Variants in BCHE observed in about 807,000 individuals in gnomAD.
BCHE encodes butyrylcholinesterase.
A neutral mutation model predicts 51.3 loss-of-function variants in BCHE; 48 were observed. The ratio of observed to expected loss-of-function variants is 0.94; its 90% CI spans 0.74 to 1.19. The LOEUF is 1.19. Among genes scored for constraint, BCHE ranks in the 50% most tolerant of loss-of-function variants. BCHE has a pLI of 0.00. For synonymous variants in BCHE, 251 were observed against 238.0 expected (o/e 1.05, Z -0.50); for missense variants, 847 against 708.2 (o/e 1.20, Z -2.23).
intron 2 of BCHE, among the ~76,000 whole-genome samples, chr3:165,800,036 A>G (rs1452517970): frequency 2.7e-5 from 4 of 146,026 alleles, no homozygotes; most frequent in African/African-American, 1.0e-4. Context: ...TTAGCGTGCA[A>G]TTAGAAGTAT....
At chr3:165,787,181 T>C (rs1712987145) in intron 2 of BCHE, among the ~76,000 whole-genome samples, 1 of 151,878 alleles carries the variant, frequency 6.6e-6, no homozygotes, top group Non-Finnish European at 1.5e-5. Context: ...GTCGACTCTA[T>C]CTTTTCAATA....
chr3:165,805,087 G>T (rs891310610), intron 2 of BCHE, among the ~76,000 whole-genome samples: 3 of 151,920 alleles, frequency 2.0e-5, no homozygotes, highest in African/African-American at 7.3e-5. Flanking sequence ...AATGCAGCAA[G>T]AATAAAATGT....
intron 2 of BCHE, among the ~76,000 whole-genome samples, chr3:165,800,102 T>C (rs1256096613): frequency 2.6e-5 from 4 of 152,204 alleles, no homozygotes; most frequent in Non-Finnish European, 5.9e-5. Context: ...TTTCTGGGTA[T>C]TTTTTCCTCC....
chr3:165,819,013 G>C (rs1714410688), intron 2 of BCHE, among the ~76,000 whole-genome samples: 1 of 151,312 alleles, frequency 6.6e-6, no homozygotes, highest in South Asian at 2.1e-4. Flanking sequence ...CCTTTCTTTG[G>C]AGGTGAAAAA....
At chr3:165,778,682 T>G (rs933695410) in intron 3 of BCHE, 14 of 452,994 alleles carry the variant, frequency 3.1e-5, no homozygotes, top group Admixed American at 2.4e-4. Flanking sequence ...GTCATTTTCA[T>G]CTGTGCAGCT....
intron 2 of BCHE, among the ~76,000 whole-genome samples, chr3:165,801,767 G>T (rs541447443): frequency 7.3e-4 from 111 of 152,184 alleles, no homozygotes; most frequent in Non-Finnish European, 1.5e-4. Flanking sequence ...TGACCATTCA[G>T]ATTCTGAGTT....
intron 3 of BCHE, among the ~76,000 whole-genome samples, chr3:165,776,462 G>A (rs1712474661): frequency 6.6e-6 from 1 of 151,784 alleles, no homozygotes; most frequent in South Asian, 2.1e-4. Flanking sequence ...CATTCTCTAA[G>A]TGTAAATATT....
chr3:165,778,620 C>A, intron 3 of BCHE: 1 of 431,276 alleles, frequency 2.3e-6, no homozygotes, highest in Non-Finnish European at 4.8e-6. Flanking sequence ...TTCTTAAAAG[C>A]TTTCCATGGT....
intron 3 of BCHE, among the ~76,000 whole-genome samples, chr3:165,785,507 A>G (rs1191682154): frequency 2.0e-5 from 3 of 151,808 alleles, no homozygotes; most frequent in African/African-American, 7.2e-5. Context: ...ACAAATTTTC[A>G]TCGTATTTCC....
intron 2 of BCHE, among the ~76,000 whole-genome samples, chr3:165,806,286 G>A (rs1713861195): frequency 6.6e-6 from 1 of 151,948 alleles, no homozygotes; most frequent in Non-Finnish European, 1.5e-5. Flanking sequence ...TCACCTCTCG[G>A]TCTTTGCCTG....
At chr3:165,828,564 A>G (rs760022988) in intron 2 of BCHE, among the ~76,000 whole-genome samples, 7 of 152,182 alleles carry the variant, frequency 4.6e-5, no homozygotes, top group Non-Finnish European at 8.8e-5. Context: ...TTGTTTAGTT[A>G]TAAAAGATAG....
At chr3:165,791,247 A>G (rs997894109) in intron 2 of BCHE, among the ~76,000 whole-genome samples, 8 of 151,154 alleles carry the variant, frequency 5.3e-5, no homozygotes, top group African/African-American at 1.9e-4. Flanking sequence ...ATGAGCCGAG[A>G]TCACACCATG....
chr3:165,835,914 T>C (rs892092811), intron 1 of BCHE, among the ~76,000 whole-genome samples: 5 of 151,934 alleles, frequency 3.3e-5, no homozygotes, highest in Non-Finnish European at 7.4e-5. Flanking sequence ...GACCGTCTAA[T>C]TTTGGTAAGA....
rs533018734 is a variant in BCHE at position 165,778,430 on chromosome 3, A to G, written c.1685-4924T>C. 1.9e-4 allele frequency: 37 copies of G among 190,154 alleles called. No individual in the cohort carries two copies. In the South Asian group the frequency reaches 3.6e-3, roughly 19 times the overall value. The allele number at this position is 190,154 out of a possible 1,614,324, so 11.8% of individuals were successfully genotyped here. ...ACTCGTGAATATAGTAAAAGATTAT[A>G]CATTTATGAATCAATAACCAGAACA... On this transcript the variant is annotated intron_variant, in intron 3 of 3. Coordinates refer to ENST00000264381, the MANE Select transcript of BCHE (RefSeq NM_000055.4).
intron 2 of BCHE, among the ~76,000 whole-genome samples, chr3:165,801,434 G>A (rs1713640469): frequency 2.0e-5 from 3 of 152,200 alleles, no homozygotes; most frequent in East Asian, 3.9e-4. Context: ...TTTATTAAAT[G>A]TTATACTGCT....
Position 165,829,966 on chromosome 3 carries a change from A to T in BCHE, c.1068T>A (p.Ala356=), listed in dbSNP as rs748533851. 1.9e-6 allele frequency: 3 copies of T among 1,613,784 alleles called. No individual in the cohort carries two copies. In the Admixed American group the frequency reaches 5.0e-5, roughly 27 times the overall value. Residue 356 remains alanine, a synonymous_variant, in exon 2 of 4, where the codon GCT becomes GCA. Coordinates refer to ENST00000264381, the MANE Select transcript of BCHE (RefSeq NM_000055.4). ...LVGVNKDEGT[A]FLVYGAPGFS... Reference sequence around the variant, plus strand: ...AGCCAGGAGCACCATAGACTAAAAAAGCTGTCCCTTCATCTTTATTAACAC... The same window carrying T: ...AGCCAGGAGCACCATAGACTAAAAATGCTGTCCCTTCATCTTTATTAACAC...
chr3:165,816,933 C>T (rs1714334935), intron 2 of BCHE, among the ~76,000 whole-genome samples: 1 of 151,926 alleles, frequency 6.6e-6, no homozygotes, highest in Non-Finnish European at 1.5e-5. Context: ...CTTTTTCTCC[C>T]TTGAATTTCA....
chr3:165,778,815 T>G, intron 3 of BCHE: 1 of 341,210 alleles, frequency 2.9e-6, no homozygotes, highest in Non-Finnish European at 6.4e-6. Flanking sequence ...TATCTTGTTA[T>G]ACATCTGATA....
In BCHE at chr3:165,773,328, T is replaced by C. The variant is rs1487473772; in HGVS notation, c.*54A>G. ...AGTAGGTGTGTAAAAAAGCTCCTGA[T>C]ATTTTTGCCTTGATCTAAAGGAAAA... On this transcript the variant is annotated 3_prime_UTR_variant, in exon 4 of 4. Coordinates refer to ENST00000264381, the MANE Select transcript of BCHE (RefSeq NM_000055.4). 1 of 1,542,592 alleles carries C rather than the reference T, an allele frequency of 6.5e-7. No individual in the cohort carries two copies. The highest frequency in any genetic ancestry group is 8.9e-7 in the Non-Finnish European group (1 of 1,126,478).
Sources: allele counts gnomAD v4.1 joint callset (sites outside exome capture counted in the v4.1 genomes callset), GRCh38; gene constraint gnomAD v4.1.1; transcripts MANE v1.5; gene names NCBI Gene and HGNC (gene_info 2026-07-23, HGNC 2026-07-21).